Variants in UBE4B observed in about 807,000 individuals in gnomAD.
The protein encoded by UBE4B is ubiquitination factor E4B.
UBE4B carries 27 observed loss-of-function variants against 148.1 expected under a neutral mutation model. That is an observed-to-expected ratio of 0.18 (90% CI 0.13 to 0.25). The LOEUF is 0.25. Among genes scored for constraint, UBE4B ranks in the 10% least tolerant of loss-of-function variants. UBE4B has a pLI of 1.00. For synonymous variants in UBE4B, 596 were observed against 619.3 expected, an observed-to-expected ratio of 0.96 and a Z score of 0.56; for missense variants, 1,170 against 1,662.4, an observed-to-expected ratio of 0.70 and a Z score of 5.15.
chr1:10,148,505 G>A (rs556790580), intron 19 of UBE4B, among the ~76,000 whole-genome samples: 3 of 150,974 alleles, frequency 2.0e-5, no homozygotes, highest in Admixed American at 6.6e-5. Context: ...GGTGGTGGGC[G>A]CCTGTAATCC....
intron 2 of UBE4B, among the ~76,000 whole-genome samples, chr1:10,073,920 ATTTTTTTTTTTTT>A (rs947131085): frequency 1.3e-5 from 1 of 74,852 alleles, no homozygotes; most frequent in African/African-American, 5.6e-5. Flanking sequence ...CTTTCTTTCT[ATTTTTTTTTTTTT>A]TTTTTTTTTT....
intron 2 of UBE4B, among the ~76,000 whole-genome samples, chr1:10,095,197 GTGA>G (rs1644911642): frequency 6.6e-6 from 1 of 152,164 alleles, no homozygotes; most frequent in African/African-American, 2.4e-5. Context: ...TGCAAGAGAG[GTGA>G]TGAGGGGTGA....
chr1:10,171,120 TATC>T lies in UBE4B; in HGVS notation c.3334-17_3334-15del. The T allele has an allele frequency of 1.2e-6, 2 of 1,610,666 alleles. No individual in the cohort carries two copies. Among genetic ancestry groups the T allele is most frequent in the Non-Finnish European group, 1.7e-6 (2 of 1,178,068 alleles). On this transcript the variant is annotated splice_polypyrimidine_tract_variant and intron_variant, in intron 24 of 27. Transcript: ENST00000343090. ...GTCTCAACAGCATGAATTGTCCTAT[TATC>T]CTGTGATTTCCTAGGAGCTTGGACC...
chr1:10,072,794 ATC>A (rs1181105554), intron 2 of UBE4B: 2 of 254,076 alleles, frequency 7.9e-6, no homozygotes, highest in Non-Finnish European at 1.5e-5. Flanking sequence ...ATTTGAAAAT[ATC>A]TCTCTTTTGT....
intron 2 of UBE4B, among the ~76,000 whole-genome samples, chr1:10,076,647 G>A (rs1204100495): frequency 6.6e-6 from 1 of 151,858 alleles, no homozygotes; most frequent in Non-Finnish European, 1.5e-5. Context: ...CCTCTTAGTT[G>A]GGCTGTTTTC....
intron 2 of UBE4B, among the ~76,000 whole-genome samples, chr1:10,085,793 CTT>C (rs537849739): frequency 6.7e-6 from 1 of 148,910 alleles, no homozygotes; most frequent in Non-Finnish European, 1.5e-5. Context: ...TATTCAGTGA[CTT>C]TTTTTTTTCT....
At chr1:10,130,134 C>T (rs1380785122) in intron 12 of UBE4B, among the ~76,000 whole-genome samples, 5 of 152,084 alleles carry the variant, frequency 3.3e-5, no homozygotes, top group African/African-American at 7.2e-5. Context: ...AGCGCAGTGG[C>T]GCAATCTCAG....
intron 22 of UBE4B, among the ~76,000 whole-genome samples, chr1:10,159,009 CA>C (rs368376272): frequency 0.042 from 2,908 of 68,628 alleles, 24 homozygotes; most frequent in South Asian, 0.065. Context: ...GACTCCGTCT[CA>C]AAAAAAAAAA....
At chr1:10,051,518 G>A (rs1458123412) in intron 1 of UBE4B, among the ~76,000 whole-genome samples, 2 of 152,126 alleles carry the variant, frequency 1.3e-5, no homozygotes, top group Non-Finnish European at 2.9e-5. Context: ...TATGTGAAAG[G>A]TTGGGTTGGA....
chr1:10,073,019 C>T (rs1485663400), intron 2 of UBE4B: 1 of 152,522 alleles, frequency 6.6e-6, no homozygotes, highest in African/African-American at 2.4e-5. Flanking sequence ...CTGTACTTCT[C>T]GTTAGGTATC....
At chr1:10,125,050 C>T (rs1343871523) in intron 10 of UBE4B, among the ~76,000 whole-genome samples, 4 of 152,094 alleles carry the variant, frequency 2.6e-5, no homozygotes, top group Non-Finnish European at 5.9e-5. Context: ...CTCTTGAACC[C>T]GAGTGATGGA....
intron 1 of UBE4B, among the ~76,000 whole-genome samples, chr1:10,040,628 T>G (rs1470321551): frequency 1.3e-5 from 2 of 151,370 alleles, no homozygotes; most frequent in South Asian, 2.1e-4. Context: ...TTTCTTTTTT[T>G]TTTTTTGAGA....
At chr1:10,040,121 C>CTT (rs752593191) in intron 1 of UBE4B, among the ~76,000 whole-genome samples, 1 of 142,912 alleles carries the variant, frequency 7.0e-6, no homozygotes, top group African/African-American at 2.6e-5. Flanking sequence ...GCACATGTTT[C>CTT]TTTTTTTTTT....
chr1:10,137,329 G>GTC, intron 17 of UBE4B, 124 bp downstream of exon 17: 1 of 1,250,894 alleles, frequency 8.0e-7, no homozygotes. Context: ...ATAGTGTTCT[G>GTC]TCTGCCTCCA....
intron 1 of UBE4B, among the ~76,000 whole-genome samples, chr1:10,037,739 A>G (rs1353427190): frequency 1.3e-5 from 2 of 151,450 alleles, no homozygotes; most frequent in Non-Finnish European, 2.9e-5. Context: ...ATTTTTTTCT[A>G]GAGACAGGGT....
rs116724197 is a variant in UBE4B at position 10,108,382 on chromosome 1, G to A, written c.1196+1799G>A. 4.3e-3 allele frequency among the ~76,000 whole-genome samples: 659 copies of A among 152,276 alleles called. 8 individuals carry two copies. Among genetic ancestry groups the A allele is most frequent in the African/African-American group, 0.015 (631 of 41,556 alleles). On this transcript the variant is annotated intron_variant, in intron 7 of 27. Coordinates refer to ENST00000343090, the MANE Select transcript of UBE4B (RefSeq NM_001105562.3). ...TGTTTAAAGAGCCTTTGAAATGACC[G>A]CAGAGGCTGAAACATAGTTCCGGAT...
intron 7 of UBE4B, among the ~76,000 whole-genome samples, chr1:10,110,620 T>C (rs1011932952): frequency 5.3e-5 from 8 of 152,196 alleles, no homozygotes; most frequent in African/African-American, 1.9e-4. Flanking sequence ...ATGTTTCTAA[T>C]TGTTTCCTAG....
intron 2 of UBE4B, among the ~76,000 whole-genome samples, chr1:10,086,939 T>G (rs553241795): frequency 1.1e-4 from 17 of 152,300 alleles, no homozygotes; most frequent in South Asian, 6.2e-4. Context: ...CCCAAAGTGC[T>G]GGGATTATAG....
intron 7 of UBE4B, among the ~76,000 whole-genome samples, chr1:10,116,288 G>C (rs895000127): frequency 6.6e-6 from 1 of 152,076 alleles, no homozygotes; most frequent in African/African-American, 2.4e-5. Flanking sequence ...GATTACAGAC[G>C]TGTGCCACCA....
Sources: allele counts gnomAD v4.1 joint callset (sites outside exome capture counted in the v4.1 genomes callset), GRCh38; gene constraint gnomAD v4.1.1; transcripts MANE v1.5; gene names NCBI Gene and HGNC (gene_info 2026-07-23, HGNC 2026-07-21).